MRPS31: variants seen among roughly 807,000 people sequenced by gnomAD.
MRPS31 encodes the protein small ribosomal subunit protein mS31.
A neutral mutation model predicts 43.1 loss-of-function variants in MRPS31; 32 were observed. The observed-to-expected ratio is 0.74, with a 90% CI of 0.56 to 1.00. The LOEUF is 1.00. Ranked by LOEUF, MRPS31 falls within the 50% of genes least tolerant of loss-of-function variation. MRPS31 has a pLI of 0.00. For synonymous variants in MRPS31, 165 were observed against 161.6 expected (o/e 1.02, Z -0.16); for missense variants, 437 against 466.7 (o/e 0.94, Z 0.59).
chr13:40,749,774 C>T (rs923193349), intron 5 of MRPS31, among the ~76,000 whole-genome samples: 3 of 152,160 alleles, frequency 2.0e-5, no homozygotes, highest in Admixed American at 6.5e-5. Flanking sequence ...GCATGTAATC[C>T]TCACAACAAA....
chr13:40,729,362 T>G lies in MRPS31; in HGVS notation c.*10A>C. On this transcript the variant is annotated 3_prime_UTR_variant, in exon 7 of 7. Coordinates refer to ENST00000323563, the MANE Select transcript of MRPS31 (RefSeq NM_005830.4). ...ATCTCTAATTGTTTGAAATAAAAAT[T>G]TCCATGGTCTTAATTGAACTGTATG... The G allele has an allele frequency of 7.5e-7, 1 of 1,335,874 alleles. No individual in the cohort carries two copies. Among genetic ancestry groups the G allele is most frequent in the South Asian group, 1.4e-5 (1 of 73,750 alleles). 82.8% of individuals were successfully genotyped at this position (1,335,874 alleles called of 1,614,324 possible). A position where few individuals can be genotyped will look rare whatever the true frequency, so the allele number is the denominator to read the frequency against.
chr13:40,738,466 C>T (rs2057940041), intron 6 of MRPS31, among the ~76,000 whole-genome samples: 1 of 151,738 alleles, frequency 6.6e-6, no homozygotes, highest in South Asian at 2.1e-4. Flanking sequence ...GATACCAAAG[C>T]CAGGCAGAGA....
intron 3 of MRPS31, among the ~76,000 whole-genome samples, chr13:40,757,244 T>G (rs1880555127): frequency 6.6e-6 from 1 of 152,130 alleles, no homozygotes; most frequent in Non-Finnish European, 1.5e-5. Flanking sequence ...AAATCTTCAT[T>G]TAAAACGTAA....
chr13:40,750,742 TTATATATATATATATATA>T (rs66521234), intron 5 of MRPS31, among the ~76,000 whole-genome samples: 1 of 130,850 alleles, frequency 7.6e-6, no homozygotes, highest in Non-Finnish European at 1.6e-5. Context: ...GTATCCCATT[TTATATATATATATATATA>T]TATATATATA....
In MRPS31 at chr13:40,756,864, G is replaced by A; in HGVS notation, c.740+9C>T. On this transcript the variant is annotated intron_variant, in intron 4 of 6. Transcript: ENST00000323563. ...CAAACAAAACCCAGCAGATTACAAA[G>A]CCTGATACCTTTTTTTAAGATCATC... The A allele has an allele frequency of 2.5e-6, 4 of 1,612,798 alleles. No individual in the cohort carries two copies. The highest frequency in any genetic ancestry group is 3.4e-6 in the Non-Finnish European group (4 of 1,179,650).
chr13:40,750,094 A>C (rs562624492), intron 5 of MRPS31, among the ~76,000 whole-genome samples: 2 of 152,304 alleles, frequency 1.3e-5, no homozygotes, highest in South Asian at 4.1e-4. Context: ...GTAATAGCCA[A>C]ATGTGGGTTG....
chr13:40,770,366 C>CT (rs1207762935), intron 1 of MRPS31, among the ~76,000 whole-genome samples: 3 of 152,180 alleles, frequency 2.0e-5, no homozygotes, highest in African/African-American at 4.8e-5. Context: ...CCACAATTCC[C>CT]TTTTTTCCTG....
Position 40,766,742 on chromosome 13 carries a change from T to C in MRPS31, c.440+4A>G. The C allele has an allele frequency of 1.3e-6, 2 of 1,574,614 alleles. No homozygotes were observed. Among genetic ancestry groups the C allele is most frequent in the Non-Finnish European group, 8.6e-7 (1 of 1,163,556 alleles). ...AACAACATCTGAATTACAATTAAATTTACCTCTTCTTTGGAGCATATTCTG... is the reference window on the plus strand; with the variant it reads ...AACAACATCTGAATTACAATTAAATCTACCTCTTCTTTGGAGCATATTCTG... On this transcript the variant is annotated splice_donor_region_variant and intron_variant, in intron 2 of 6. Transcript: ENST00000323563.
At position 40,749,320 on chromosome 13, in the gene MRPS31, G is replaced by A. The variant is rs1283318200; in HGVS notation, c.815-39C>T. Reference sequence around the variant, plus strand: ...ACATTTTAGATAACAACAAGTCAATGTAAGTATCTTTTTTTAAAAGTTACA... The same window carrying A: ...ACATTTTAGATAACAACAAGTCAATATAAGTATCTTTTTTTAAAAGTTACA... On this transcript the variant is annotated intron_variant, in intron 5 of 6. Transcript: ENST00000323563. The A allele has an allele frequency of 2.7e-6, 4 of 1,472,542 alleles. 1 individual carries two copies. The highest frequency in any genetic ancestry group is 3.6e-4 in the Middle Eastern group (2 of 5,558). The allele number at this position is 1,472,542 out of a possible 1,614,324, so 91.2% of individuals were successfully genotyped here.
intron 4 of MRPS31, among the ~76,000 whole-genome samples, chr13:40,756,351 A>T (rs1880525986): frequency 6.6e-6 from 1 of 152,236 alleles, no homozygotes; most frequent in Admixed American, 6.5e-5. Flanking sequence ...CATCTTTAAG[A>T]ACTTCAAATC....
At chr13:40,747,470 C>A (rs1270906388) in intron 6 of MRPS31, among the ~76,000 whole-genome samples, 7 of 152,080 alleles carry the variant, frequency 4.6e-5, no homozygotes, top group Non-Finnish European at 1.5e-5. Flanking sequence ...ACTAAAAAGG[C>A]GTTGGTCTTT....
At chr13:40,753,923 T>C (rs1880459612) in intron 5 of MRPS31, 96 bp downstream of exon 5, 1 of 798,400 alleles carries the variant, frequency 1.3e-6, no homozygotes, top group South Asian at 1.7e-5. Context: ...AATGACAGAA[T>C]GGAATATTAA....
intron 6 of MRPS31, among the ~76,000 whole-genome samples, chr13:40,740,556 A>G (rs1593443835): frequency 1.5e-5 from 2 of 136,606 alleles, no homozygotes; most frequent in East Asian, 4.7e-4. Context: ...ACAATGATAG[A>G]CTGGATTAAG....
rs960600173 is a variant in MRPS31, at chr13:40,766,941, T to C, written c.245A>G (p.Lys82Arg). 2 of 1,614,118 alleles carry C rather than the reference T, an allele frequency of 1.2e-6. No individual in the cohort carries two copies. The highest frequency in any genetic ancestry group is 1.3e-5 in the African/African-American group (1 of 75,036). ...KQSVRTEETS[K>R]ETSESQDSEK... ...ACTGTCTTGGCTCTCTGAAGTCTCC[T>C]TGGAAGTCTCCTCAGTTCGAACAGA... The change falls in exon 2 of 7, where the codon AAG becomes AGG. Residue 82 changes from lysine to arginine, a missense_variant. Lys to Arg is a conservative substitution (Grantham distance 26). Transcript: ENST00000323563.
At chr13:40,758,208 G>A (rs1030751772) in intron 3 of MRPS31, among the ~76,000 whole-genome samples, 4 of 151,026 alleles carry the variant, frequency 2.6e-5, no homozygotes, top group African/African-American at 7.3e-5. Flanking sequence ...TCAGGCACAC[G>A]CCACCATGCT....
chr13:40,759,173 C>T, intron 2 of MRPS31, 67 bp from the exon 3 acceptor site: 1 of 1,290,886 alleles, frequency 7.7e-7, no homozygotes, highest in Non-Finnish European at 1.0e-6. Flanking sequence ...TGCGGTGGCT[C>T]ATGCCTGTAA....
intron 2 of MRPS31, among the ~76,000 whole-genome samples, chr13:40,765,170 T>C (rs1212444993): frequency 1.3e-5 from 2 of 152,226 alleles, no homozygotes; most frequent in African/African-American, 4.8e-5. Flanking sequence ...GCCTCTTCTT[T>C]GAACATAGGA....
rs370481725 is a variant in MRPS31, at chr13:40,756,940, G to A, written c.673C>T (p.Arg225Trp). 1.3e-5 allele frequency: 21 copies of A among 1,613,698 alleles called. No individual in the cohort carries two copies. Among genetic ancestry groups the A allele is most frequent in the Admixed American group, 8.3e-5 (5 of 59,972 alleles). ...TARVRSRPEL[R>W]IQFDEGYDNY... Reference sequence around the variant, plus strand: ...TCATAGCCTTCATCAAACTGAATCCGAAGCTCTGGTCTTGAACGAACTCTA... The same window carrying A: ...TCATAGCCTTCATCAAACTGAATCCAAAGCTCTGGTCTTGAACGAACTCTA... The change falls in exon 4 of 7, where the codon CGG (arginine) becomes TGG (tryptophan). Residue 225 changes from arginine to tryptophan, a missense_variant. Physicochemically the swap from Arg to Trp is moderately radical, Grantham distance 101. Transcript: ENST00000323563.
At chr13:40,769,669 T>C (rs1349901415) in intron 1 of MRPS31, among the ~76,000 whole-genome samples, 1 of 152,002 alleles carries the variant, frequency 6.6e-6, no homozygotes, top group Non-Finnish European at 1.5e-5. Flanking sequence ...AAATGGTCAT[T>C]ATTTTACATT....
Sources: gnomAD v4.1 joint callset for allele counts (sites outside exome capture counted in the v4.1 genomes callset) on GRCh38, gnomAD v4.1.1 for gene constraint, MANE v1.5 for transcripts, NCBI Gene and HGNC (gene_info 2026-07-23, HGNC 2026-07-21) for gene names.